PINX1: variants seen among roughly 807,000 people sequenced by gnomAD.
PINX1 encodes PIN2/TERF1-interacting telomerase inhibitor 1.
Under a neutral mutation model 25.4 loss-of-function variants are expected in PINX1, and 34 were observed. The ratio of observed to expected loss-of-function variants is 1.34; its 90% confidence interval spans 1.02 to 1.78. The LOEUF (loss-of-function observed/expected upper bound fraction) is 1.78. PINX1 is among the 40% of genes most tolerant of loss of function. The pLI is 0.00. For synonymous variants in PINX1, 197 were observed against 147.7 expected (o/e 1.33, Z -2.42); for missense variants, 592 against 404.9 (o/e 1.46, Z -3.97).
In PINX1 at chr8:10,765,645, C is replaced by G; in HGVS notation, c.743G>C (p.Arg248Pro). The change falls in exon 7 of 7, where the codon CGA (arginine) becomes CCA (proline). Residue 248 changes from arginine to proline, a missense_variant. Coordinates refer to ENST00000314787, the MANE Select transcript of PINX1 (RefSeq NM_017884.6). ...GKPERAEAQE[R>P]VAKKKSAPAE... ...TGGCGCGCTCTTCTTCTTGGCCACT[C>G]GCTCCTGGGCCTCGGCCCTCTCGGG... The G allele has an allele frequency of 6.2e-7, 1 of 1,613,962 alleles. No individual in the cohort carries two copies. The highest frequency in any genetic ancestry group is 1.6e-4 in the Middle Eastern group (1 of 6,062).
chr8:10,782,281 G>T (rs991253350), intron 6 of PINX1, among the ~76,000 whole-genome samples: 2 of 152,142 alleles, frequency 1.3e-5, no homozygotes, highest in Non-Finnish European at 1.5e-5. Flanking sequence ...ATGGTGTGGG[G>T]ACTGTGGCTA....
At chr8:10,814,942 T>G (rs1797654181) in intron 6 of PINX1, among the ~76,000 whole-genome samples, 1 of 152,036 alleles carries the variant, frequency 6.6e-6, no homozygotes, top group South Asian at 2.1e-4. Context: ...AATTTCTTCT[T>G]TTTCTTCGTT....
At chr8:10,775,422 T>TG (rs1801360859) in intron 6 of PINX1, among the ~76,000 whole-genome samples, 2 of 145,806 alleles carry the variant, frequency 1.4e-5, no homozygotes, top group South Asian at 4.3e-4. Flanking sequence ...TTTTTTTTTT[T>TG]TTTTTTTTTT....
At chr8:10,816,979 T>A (rs950988988) in intron 6 of PINX1, among the ~76,000 whole-genome samples, 1 of 152,168 alleles carries the variant, frequency 6.6e-6, no homozygotes, top group Non-Finnish European at 1.5e-5. Context: ...AGCACAGGGT[T>A]TGGCACACAG....
rs960453101 is a variant in PINX1, at chr8:10,828,855, G to A, written c.302-2611C>T. On this transcript the variant is annotated intron_variant, in intron 4 of 6. Coordinates refer to ENST00000314787, the MANE Select transcript of PINX1 (RefSeq NM_017884.6). ...GACAAGGGAAAATACTGTTGTCAAA[G>A]CAGCAATCAAAGCAGCTGGCCCGGC... 2.0e-5 allele frequency among the ~76,000 whole-genome samples: 3 copies of A among 152,186 alleles called. No homozygotes were observed. The East Asian group carries it at 5.8e-4, about 29-fold the overall frequency.
At chr8:10,829,930 C>T (rs1000781456) in intron 4 of PINX1, among the ~76,000 whole-genome samples, 18 of 152,240 alleles carry the variant, frequency 1.2e-4, no homozygotes, top group African/African-American at 3.9e-4. Flanking sequence ...GTGATCCGCC[C>T]GCCTCAGCCT....
At chr8:10,830,552 A>G (rs375636142) in intron 4 of PINX1, among the ~76,000 whole-genome samples, 106 of 152,336 alleles carry the variant, frequency 7.0e-4, no homozygotes, top group Non-Finnish European at 1.1e-3. Context: ...AATCTACCAA[A>G]TATCTTTTGA....
intron 6 of PINX1, among the ~76,000 whole-genome samples, chr8:10,777,773 T>A (rs1801439809): frequency 6.6e-6 from 1 of 152,196 alleles, no homozygotes; most frequent in African/African-American, 2.4e-5. Context: ...ACCACCACTT[T>A]CATTGCTTCG....
intron 6 of PINX1, among the ~76,000 whole-genome samples, chr8:10,811,455 A>G (rs2409658): frequency 0.63 from 96,352 of 152,056 alleles, 31,623 homozygotes; most frequent in African/African-American, 0.8. Context: ...GACAAATCCT[A>G]AGACAGCCAT....
intron 6 of PINX1, among the ~76,000 whole-genome samples, chr8:10,778,480 C>G (rs1801483198): frequency 6.6e-6 from 1 of 152,136 alleles, no homozygotes; most frequent in Admixed American, 6.5e-5. Flanking sequence ...TCATGTATCT[C>G]CTGTAGGGTT....
intron 2 of PINX1, chr8:10,834,393 T>A (rs546601701): frequency 2.5e-6 from 1 of 397,988 alleles, no homozygotes; most frequent in African/African-American, 2.1e-5. Context: ...GAGGCTCTAC[T>A]GGAGTCAAGA....
chr8:10,820,990 T>G (rs2129085985), intron 5 of PINX1, among the ~76,000 whole-genome samples: 1 of 152,370 alleles, frequency 6.6e-6, no homozygotes, highest in Middle Eastern at 3.4e-3. Flanking sequence ...CCAACTAATT[T>G]AAAATTCACT....
Position 10,765,833 on chromosome 8 carries a change from C to G in PINX1, c.555G>C (p.Arg185=), listed in dbSNP as rs1156438699. ...GGGGCTTGTTCTTCAGTGCTGCCAT[C>G]CGCTTGGCAAAGTACTCCTGGATGG... ...AFTIQEYFAK[R]MAALKNKPQV... Residue 185 remains arginine (R), a synonymous_variant, in exon 7 of 7, where the codon CGG becomes CGC. Transcript: ENST00000314787. 6.2e-7 allele frequency: 1 copy of G among 1,613,858 alleles called. No individual in the cohort carries two copies. The highest frequency in any genetic ancestry group is 1.7e-5 in the Admixed American group (1 of 60,014).
At chr8:10,831,505 T>C (rs188115842) in intron 4 of PINX1, among the ~76,000 whole-genome samples, 160 bp downstream of exon 4, 1 of 152,236 alleles carries the variant, frequency 6.6e-6, no homozygotes, top group East Asian at 1.9e-4. Context: ...TTGATGAACA[T>C]AACACATGTG....
At chr8:10,816,327 T>C (rs1366201864) in intron 6 of PINX1, among the ~76,000 whole-genome samples, 1 of 152,184 alleles carries the variant, frequency 6.6e-6, no homozygotes, top group African/African-American at 2.4e-5. Context: ...CAACATCCTG[T>C]TCATCTATAA....
At position 10,832,909 on chromosome 8, in the gene PINX1, C is replaced by T; in HGVS notation, c.205G>A (p.Ala69Thr). ...QVKNNHLGLG[A>T]TINNEDNWIA... ...CTGCTCACTTCATTATTGATGGTAG[C>T]TCCGAGTCCCAGGTGGTTATTTTTC... The change falls in exon 3 of 7, where the codon GCT (alanine) becomes ACT (threonine). Residue 69 changes from alanine to threonine, a missense_variant. Transcript: ENST00000314787. The T allele has an allele frequency of 6.2e-7, 1 of 1,608,958 alleles. No homozygotes were observed. The highest frequency in any genetic ancestry group is 1.1e-5 in the South Asian group (1 of 90,508).
intron 5 of PINX1, among the ~76,000 whole-genome samples, chr8:10,824,251 G>C (rs202032970): frequency 2.0e-5 from 3 of 152,192 alleles, no homozygotes; most frequent in East Asian, 3.9e-4. Flanking sequence ...GCCAGAGTGA[G>C]ATTTTCTGTG....
chr8:10,789,285 G>C (rs1217460035), intron 6 of PINX1, among the ~76,000 whole-genome samples: 1 of 152,208 alleles, frequency 6.6e-6, no homozygotes, highest in African/African-American at 2.4e-5. Flanking sequence ...TTTTTTTCCA[G>C]ATGTAATAAG....
At chr8:10,808,261 T>C (rs1802518266) in intron 6 of PINX1, among the ~76,000 whole-genome samples, 1 of 152,152 alleles carries the variant, frequency 6.6e-6, no homozygotes, top group Non-Finnish European at 1.5e-5. Context: ...AATTATGACA[T>C]GGAAAAATGT....
Sources: gnomAD v4.1 joint callset for allele counts (sites outside exome capture counted in the v4.1 genomes callset) on GRCh38, gnomAD v4.1.1 for gene constraint, MANE v1.5 for transcripts, NCBI Gene and HGNC (gene_info 2026-07-23, HGNC 2026-07-21) for gene names.